Variants in CNNM2 observed in about 807,000 individuals in gnomAD.
The protein encoded by CNNM2 is cyclin and CBS domain divalent metal cation transport mediator 2.
In CNNM2, 12 loss-of-function variants were observed where a neutral mutation model predicts 66.9. The observed-to-expected ratio is 0.18, with a 90% CI of 0.11 to 0.29. CNNM2 has a LOEUF of 0.29. Among genes scored for constraint, CNNM2 ranks in the 10% least tolerant of loss-of-function variants. The pLI is 1.00. For missense variants in CNNM2, 705 were observed against 1,167.7 expected (o/e 0.60, Z 5.77); for synonymous variants, 557 against 501.8 (o/e 1.11, Z -1.47).
Position 102,918,389 on chromosome 10 carries a change from C to G in CNNM2, c.-92C>G. On this transcript the variant is annotated 5_prime_UTR_variant, in exon 1 of 8. Transcript: ENST00000369878. The surrounding 1 kb of genome is among the most constrained non-coding windows in gnomAD (Gnocchi z 4.1). Reference sequence around the variant, plus strand: ...GAGGCGAACTGCTGAGCACTGGCCGCGGACGCTCCGTTGCAGTCTCGCCCA... The same window carrying G: ...GAGGCGAACTGCTGAGCACTGGCCGGGGACGCTCCGTTGCAGTCTCGCCCA... 1.3e-6 allele frequency: 2 copies of G among 1,526,580 alleles called. No individual in the cohort carries two copies. The highest frequency in any genetic ancestry group is 1.7e-6 in the Non-Finnish European group (2 of 1,144,260). The allele number at this position is 1,526,580 out of a possible 1,614,324, so 94.6% of individuals were successfully genotyped here.
intron 1 of CNNM2, among the ~76,000 whole-genome samples, chr10:102,965,051 C>T (rs1257531259): frequency 6.6e-6 from 1 of 152,192 alleles, no homozygotes; most frequent in South Asian, 2.1e-4. Flanking sequence ...AGACCGTGCC[C>T]CTCACCAGAC....
chr10:102,964,206 G>C (rs887241852), intron 1 of CNNM2, among the ~76,000 whole-genome samples: 8 of 151,750 alleles, frequency 5.3e-5, no homozygotes, highest in African/African-American at 1.9e-4. Flanking sequence ...TGTAGAAATA[G>C]TTAATTGGGC....
At chr10:102,968,145 G>A (rs1255254049) in intron 1 of CNNM2, among the ~76,000 whole-genome samples, 1 of 152,190 alleles carries the variant, frequency 6.6e-6, no homozygotes, top group Non-Finnish European at 1.5e-5. Context: ...TCAAGAAGCT[G>A]CCAAACTGTT....
intron 1 of CNNM2, among the ~76,000 whole-genome samples, chr10:102,952,857 G>A (rs953787890): frequency 2.0e-5 from 3 of 152,146 alleles, no homozygotes; most frequent in African/African-American, 7.2e-5. Flanking sequence ...TTGAATAGAA[G>A]TCCTTGATGG....
chr10:102,929,120 C>T (rs898275522), intron 1 of CNNM2, among the ~76,000 whole-genome samples: 24 of 152,062 alleles, frequency 1.6e-4, no homozygotes, highest in African/African-American at 5.3e-4. Context: ...ATTAGCCGGG[C>T]GTGGTGGCAT....
At chr10:102,938,087 C>T (rs1350779982) in intron 1 of CNNM2, among the ~76,000 whole-genome samples, 1 of 151,378 alleles carries the variant, frequency 6.6e-6, no homozygotes, top group Non-Finnish European at 1.5e-5. Context: ...TGGCTTGAGC[C>T]CAGGAGTTTG....
intron 1 of CNNM2, among the ~76,000 whole-genome samples, chr10:102,990,296 A>G (rs1380203462): frequency 6.6e-6 from 1 of 151,952 alleles, no homozygotes; most frequent in Non-Finnish European, 1.5e-5. Context: ...TAAACTTTCA[A>G]GTAGACAGGA....
intron 6 of CNNM2, among the ~76,000 whole-genome samples, chr10:103,072,422 C>T (rs984622366): frequency 5.3e-5 from 8 of 152,088 alleles, no homozygotes; most frequent in Admixed American, 2.6e-4. Context: ...CCTACTTCTC[C>T]CCACCACCAG....
At chr10:102,966,582 G>A (rs1189315138) in intron 1 of CNNM2, among the ~76,000 whole-genome samples, 6 of 152,164 alleles carry the variant, frequency 3.9e-5, no homozygotes, top group East Asian at 1.9e-4. Flanking sequence ...AGTCGAGATC[G>A]CACCATTGCA....
chr10:103,067,806 G>T (rs2065506403), intron 4 of CNNM2, among the ~76,000 whole-genome samples: 1 of 152,146 alleles, frequency 6.6e-6, no homozygotes, highest in Non-Finnish European at 1.5e-5. Flanking sequence ...AAAATCTTAG[G>T]GGGAGGAGAG....
At chr10:102,942,182 A>G (rs961543435) in intron 1 of CNNM2, among the ~76,000 whole-genome samples, 4 of 152,250 alleles carry the variant, frequency 2.6e-5, no homozygotes, top group African/African-American at 9.6e-5. Flanking sequence ...TCTGTAAAAT[A>G]TAACATAAAA....
chr10:103,067,959 C>T (rs554904263), intron 4 of CNNM2, among the ~76,000 whole-genome samples: 4 of 152,178 alleles, frequency 2.6e-5, no homozygotes, highest in Admixed American at 6.5e-5. Context: ...GTCAGGACAC[C>T]GTGCTCGTGA....
At chr10:103,047,291 A>G (rs1590456357) in intron 1 of CNNM2, among the ~76,000 whole-genome samples, 1 of 152,222 alleles carries the variant, frequency 6.6e-6, no homozygotes. Flanking sequence ...ACATCAGACA[A>G]GCTCAAATCG....
At chr10:102,936,680 A>C (rs1027043161) in intron 1 of CNNM2, among the ~76,000 whole-genome samples, 2 of 152,152 alleles carry the variant, frequency 1.3e-5, no homozygotes, top group South Asian at 2.1e-4. Flanking sequence ...TTGCTTGTTC[A>C]TATATACATA....
intron 1 of CNNM2, among the ~76,000 whole-genome samples, chr10:103,038,404 T>C (rs2134313187): frequency 6.6e-6 from 1 of 152,324 alleles, no homozygotes. Context: ...TGGAGAGGAC[T>C]TGTCTACTTT....
intron 1 of CNNM2, among the ~76,000 whole-genome samples, chr10:103,045,678 T>G (rs986144591): frequency 6.6e-6 from 1 of 151,564 alleles, no homozygotes; most frequent in Non-Finnish European, 1.5e-5. Flanking sequence ...AGATAATGCC[T>G]ACTTTGGCTT....
At chr10:102,950,669 G>T (rs1230098635) in intron 1 of CNNM2, among the ~76,000 whole-genome samples, 1 of 151,820 alleles carries the variant, frequency 6.6e-6, no homozygotes, top group African/African-American at 2.4e-5. Context: ...CTGGAGGATC[G>T]CTTAAGCCCA....
At chr10:103,020,131 A>G (rs566874495) in intron 1 of CNNM2, among the ~76,000 whole-genome samples, 1 of 150,906 alleles carries the variant, frequency 6.6e-6, no homozygotes, top group Non-Finnish European at 1.5e-5. Context: ...ATTTTATTTC[A>G]GGTTTTCAAT....
chr10:103,026,891 A>G (rs1436276913), intron 1 of CNNM2, among the ~76,000 whole-genome samples: 2 of 152,180 alleles, frequency 1.3e-5, no homozygotes, highest in Non-Finnish European at 2.9e-5. Context: ...TAAGGAAATC[A>G]GTCTTGTATG....
Sources: allele counts gnomAD v4.1 joint callset (sites outside exome capture counted in the v4.1 genomes callset), GRCh38; gene constraint gnomAD v4.1.1; non-coding constraint Gnocchi (gnomAD v3.1); transcripts MANE v1.5; gene names NCBI Gene and HGNC (gene_info 2026-07-23, HGNC 2026-07-21).